CPO: variants seen among roughly 807,000 people sequenced by gnomAD.
CPO encodes carboxypeptidase O, also known as metallocarboxypeptidase C.
Under a neutral mutation model 41.2 loss-of-function variants are expected in CPO, and 43 were observed. The ratio of observed to expected loss-of-function variants is 1.04; its 90% CI spans 0.82 to 1.35. CPO has a LOEUF of 1.35. Ranked by LOEUF, CPO falls within the 40% of genes most tolerant of loss-of-function variation. The pLI, the probability that CPO is intolerant of heterozygous loss-of-function variation, is 0.00. For synonymous variants in CPO, 178 were observed against 162.7 expected, an observed-to-expected ratio of 1.09 and a Z score of -0.72; for missense variants, 408 against 451.7, an observed-to-expected ratio of 0.90 and a Z score of 0.88.
intron 1 of CPO, among the ~76,000 whole-genome samples, chr2:206,944,540 T>G (rs1287525413): frequency 6.6e-6 from 1 of 152,088 alleles, no homozygotes; most frequent in Admixed American, 6.6e-5. Context: ...CATTTATTTC[T>G]TTTAATCTTC....
intron 7 of CPO, among the ~76,000 whole-genome samples, chr2:206,966,670 T>A (rs1190241176): frequency 1.3e-5 from 2 of 152,188 alleles, no homozygotes; most frequent in African/African-American, 4.8e-5. Context: ...AGACTCAGAA[T>A]CCCTTTTTAG....
At chr2:206,969,145 T>G in intron 8 of CPO, 29 bp from the exon 9 acceptor site, 3 of 1,609,816 alleles carry the variant, frequency 1.9e-6, no homozygotes, top group Non-Finnish European at 1.7e-6. Flanking sequence ...GTATGACTTC[T>G]ACCTCTGCCT....
intron 2 of CPO, among the ~76,000 whole-genome samples, chr2:206,952,936 G>A (rs1693292674): frequency 6.6e-6 from 1 of 152,136 alleles, no homozygotes; most frequent in African/African-American, 2.4e-5. Context: ...GTGTGTGCAA[G>A]GGAGCTGCCC....
At chr2:206,959,762 C>A in intron 5 of CPO, 21 bp downstream of exon 5, 1 of 1,069,934 alleles carries the variant, frequency 9.3e-7, no homozygotes, top group Non-Finnish European at 1.5e-6. Flanking sequence ...CATGTTTGGT[C>A]CTGGGATGAG....
intron 2 of CPO, among the ~76,000 whole-genome samples, 192 bp downstream of exon 2, chr2:206,949,905 G>C (rs1404429937): frequency 1.3e-5 from 2 of 152,122 alleles, no homozygotes; most frequent in Admixed American, 1.3e-4. Context: ...TGTAAAAGCT[G>C]GTGATATGAA....
At chr2:206,943,847 A>G (rs1242220986) in intron 1 of CPO, among the ~76,000 whole-genome samples, 1 of 152,098 alleles carries the variant, frequency 6.6e-6, no homozygotes, top group African/African-American at 2.4e-5. Context: ...AGCATACATA[A>G]TTGCTAGTAA....
intron 4 of CPO, among the ~76,000 whole-genome samples, chr2:206,958,728 GTT>G (rs752377148): frequency 0.17 from 8,712 of 52,748 alleles, 392 homozygotes; most frequent in Middle Eastern, 0.24. Flanking sequence ...AAATTTTCTA[GTT>G]TTTTTTTTTT....
In CPO at chr2:206,969,358, G is replaced by C; in HGVS notation, c.1047G>C (p.Trp349Cys). The C allele has an allele frequency of 6.2e-7, 1 of 1,613,980 alleles. No individual in the cohort carries two copies. The highest frequency in any genetic ancestry group is 1.1e-5 in the South Asian group (1 of 91,082). The change falls in exon 9 of 9, where the codon TGG becomes TGC. Residue 349 changes from tryptophan to cysteine, a missense_variant. Physicochemically the swap from Trp to Cys is radical, Grantham distance 215. Transcript: ENST00000272852. ...SVLDDVYAKH[W>C]HSDSAGRVTS... ...TGGATGATGTGTATGCGAAACACTGGCACTCGGACAGTGCTGGAAGGGTGA... is the reference window on the plus strand; with the variant it reads ...TGGATGATGTGTATGCGAAACACTGCCACTCGGACAGTGCTGGAAGGGTGA...
In CPO at chr2:206,958,728, GTTTTTTTTTTTT is replaced by G. The variant is rs752377148; in HGVS notation, c.372+342_372+353del. 1.2e-3 allele frequency among the ~76,000 whole-genome samples: 65 copies of G among 53,336 alleles called. 1 individual carries two copies. Among genetic ancestry groups the G allele is most frequent in the African/African-American group, 3.7e-3 (54 of 14,626 alleles). The allele number at this position is 53,336 out of a possible 152,430, so 35.0% of individuals were successfully genotyped here. ...CTAATAGTATTTGGCAAATTTTCTA[GTTTTTTTTTTTT>G]TTTTTTTTTTTTTTTTTTAAGACAG... On this transcript the variant is annotated intron_variant, in intron 4 of 8. Transcript: ENST00000272852.
At chr2:206,962,360 A>T (rs369572093) in intron 6 of CPO, 52 bp from the exon 7 acceptor site, 24 of 1,545,544 alleles carry the variant, frequency 1.6e-5, no homozygotes, top group Non-Finnish European at 2.0e-5. Flanking sequence ...GCCATTGGTC[A>T]TTTCCAAACT....
chr2:206,943,396 C>A (rs916715893), intron 1 of CPO, among the ~76,000 whole-genome samples: 3 of 152,070 alleles, frequency 2.0e-5, no homozygotes, highest in Admixed American at 6.6e-5. Flanking sequence ...TCATTTGCTT[C>A]ATTCCCTCTC....
At chr2:206,963,852 T>C (rs545305325) in intron 7 of CPO, among the ~76,000 whole-genome samples, 2 of 152,328 alleles carry the variant, frequency 1.3e-5, no homozygotes, top group Non-Finnish European at 2.9e-5. Flanking sequence ...TTTTGATTCA[T>C]ATCCAAAATG....
At chr2:206,958,175 C>T in intron 3 of CPO, 126 bp from the exon 4 acceptor site, 1 of 558,206 alleles carries the variant, frequency 1.8e-6, no homozygotes. Context: ...ATCCTTGCCT[C>T]CCTCTTGAAA....
At chr2:206,962,712 T>A (rs1693504516) in intron 7 of CPO, 98 bp downstream of exon 7, 4 of 930,866 alleles carry the variant, frequency 4.3e-6, no homozygotes, top group Non-Finnish European at 5.1e-6. Context: ...CCAGCCACCC[T>A]TTTGTTCTCT....
At chr2:206,963,445 C>T (rs918629424) in intron 7 of CPO, among the ~76,000 whole-genome samples, 1 of 152,140 alleles carries the variant, frequency 6.6e-6, no homozygotes, top group Non-Finnish European at 1.5e-5. Context: ...TGCAGCCAAT[C>T]ACTGGAACTT....
At chr2:206,960,525 A>G (rs1475787814) in intron 5 of CPO, among the ~76,000 whole-genome samples, 1 of 152,214 alleles carries the variant, frequency 6.6e-6, no homozygotes, top group East Asian at 1.9e-4. Flanking sequence ...AATGTAGAAA[A>G]TGACTCCAAA....
chr2:206,944,520 A>G (rs1190703171), intron 1 of CPO, among the ~76,000 whole-genome samples: 5 of 152,044 alleles, frequency 3.3e-5, no homozygotes, highest in Admixed American at 1.3e-4. Context: ...AGCTATTACA[A>G]TGTAAATAAC....
rs145360422 is a variant in CPO at position 206,949,680 on chromosome 2, G to A, written c.132G>A (p.Thr44=). The A allele has an allele frequency of 5.4e-5, 87 of 1,612,880 alleles. 2 individuals carry two copies. Among genetic ancestry groups the A allele is most frequent in the Admixed American group, 5.3e-4 (32 of 59,952 alleles). The part of the protein sequence containing the change: ...DKSVSPWSLE[T]YSYNIYHPMG... ...CAGTGAGTCCATGGAGCCTGGAGAC[G>A]TATTCCTATAACATATACCACCCCA... The change falls in exon 2 of 9, where the codon ACG becomes ACA. Residue 44 remains threonine (T), a synonymous_variant. Transcript: ENST00000272852.
At position 206,959,531 on chromosome 2, in the gene CPO, T is replaced by G. The variant is rs1175506563; in HGVS notation, c.373-100T>G. On this transcript the variant is annotated intron_variant, in intron 4 of 8. Transcript: ENST00000272852. ...GCTTGGGGACTGGAGGGTGGAGGTG[T>G]GATGTACAGTCACCTCTTATAATTA... 4 of 647,586 alleles carry G rather than the reference T, an allele frequency of 6.2e-6. No individual in the cohort carries two copies. The Admixed American group carries it at 9.8e-5, about 16-fold the overall frequency. 40.1% of individuals were successfully genotyped at this position (647,586 alleles called of 1,614,324 possible). A position where few individuals can be genotyped will look rare whatever the true frequency, so the allele number is the denominator to read the frequency against.
Sources: gnomAD v4.1 joint callset for allele counts (sites outside exome capture counted in the v4.1 genomes callset) on GRCh38, gnomAD v4.1.1 for gene constraint, MANE v1.5 for transcripts, NCBI Gene and HGNC (gene_info 2026-07-23, HGNC 2026-07-21) for gene names.